STAP1: variants seen among roughly 807,000 people sequenced by gnomAD.
STAP1 encodes signal-transducing adaptor protein 1.
In STAP1, 30 loss-of-function variants were observed where a neutral mutation model predicts 37.8. The ratio of observed to expected loss-of-function variants is 0.79; its 90% CI spans 0.59 to 1.08. The LOEUF (loss-of-function observed/expected upper bound fraction) is 1.08. Among genes scored for constraint, STAP1 ranks in the 50% least tolerant of loss-of-function variants. The pLI, the probability that STAP1 is intolerant of heterozygous loss-of-function variation, is 0.00. For missense variants in STAP1, 357 were observed against 349.4 expected, an observed-to-expected ratio of 1.02 and a Z score of -0.17; for synonymous variants, 130 against 116.0, an observed-to-expected ratio of 1.12 and a Z score of -0.78.
intron 8 of STAP1, among the ~76,000 whole-genome samples, chr4:67,605,706 A>T (rs191014434): frequency 1.4e-4 from 21 of 152,366 alleles, no homozygotes; most frequent in African/African-American, 4.6e-4. Context: ...CAAAGATAAA[A>T]ACTTATCTTG....
At chr4:67,582,589 T>TA (rs1226843188) in intron 5 of STAP1, among the ~76,000 whole-genome samples, 1 of 152,026 alleles carries the variant, frequency 6.6e-6, no homozygotes, top group Non-Finnish European at 1.5e-5. Flanking sequence ...ATTACAGGTG[T>TA]GAGCCACCAT....
intron 8 of STAP1, among the ~76,000 whole-genome samples, chr4:67,594,763 CTT>C: frequency 6.6e-6 from 1 of 152,246 alleles, no homozygotes; most frequent in South Asian, 2.1e-4. Context: ...AATTTTTAAA[CTT>C]GTCACTTAAA....
At chr4:67,604,695 A>T (rs1175647563) in intron 8 of STAP1, among the ~76,000 whole-genome samples, 3 of 152,200 alleles carry the variant, frequency 2.0e-5, no homozygotes, top group African/African-American at 7.2e-5. Context: ...TTTTTCATAT[A>T]TCAAGTAATT....
At chr4:67,573,384 A>C (rs753992978) in intron 2 of STAP1, among the ~76,000 whole-genome samples, 3 of 152,194 alleles carry the variant, frequency 2.0e-5, no homozygotes, top group Non-Finnish European at 4.4e-5. Context: ...GATGACCTTT[A>C]AGCCTCTTCA....
At chr4:67,602,976 G>A (rs988432036) in intron 8 of STAP1, among the ~76,000 whole-genome samples, 2 of 152,104 alleles carry the variant, frequency 1.3e-5, no homozygotes, top group Admixed American at 1.3e-4. Flanking sequence ...AGATTGGTGA[G>A]CTCCTCCACA....
Position 67,606,608 on chromosome 4 carries a change from A to G in STAP1, c.*251A>G, listed in dbSNP as rs1205381712. Reference sequence around the variant, plus strand: ...GATATACACATTCCCATGCACTGACATAAGTTGAAAACACATAGTACTTTC... The same window carrying G: ...GATATACACATTCCCATGCACTGACGTAAGTTGAAAACACATAGTACTTTC... On this transcript the variant is annotated 3_prime_UTR_variant, in exon 9 of 9. Transcript: ENST00000265404. The G allele has an allele frequency of 3.3e-5, 11 of 331,836 alleles. No individual in the cohort carries two copies. Among genetic ancestry groups the G allele is most frequent in the Admixed American group, 2.4e-4 (5 of 20,560 alleles). The allele number at this position is 331,836 out of a possible 1,614,324, so 20.6% of individuals were successfully genotyped here. A position where few individuals can be genotyped will look rare whatever the true frequency, so the allele number is the denominator to read the frequency against.
chr4:67,587,373 T>C (rs1282242594), intron 6 of STAP1, among the ~76,000 whole-genome samples: 1 of 152,206 alleles, frequency 6.6e-6, no homozygotes, highest in African/African-American at 2.4e-5. Flanking sequence ...AGAGCAGCTG[T>C]GGGAGGGAAT....
At position 67,592,632 on chromosome 4, in the gene STAP1, A is replaced by G. The variant is rs540658572; in HGVS notation, c.730-628A>G. The stretch of plus-strand genomic sequence containing the variant: ...GGATCCTTCTTTGTTCTTCTACTCA[A>G]GTTCAAATTTCAGAAAGAAAGCATT... On this transcript the variant is annotated intron_variant, in intron 7 of 8. Coordinates refer to ENST00000265404, the MANE Select transcript of STAP1 (RefSeq NM_012108.4). 3.3e-5 allele frequency among the ~76,000 whole-genome samples: 5 copies of G among 152,240 alleles called. No homozygotes were observed. In the South Asian group the frequency reaches 8.3e-4, roughly 25 times the overall value.
At position 67,606,983 on chromosome 4, in the gene STAP1, C is replaced by T. The variant is rs1392430910; in HGVS notation, c.*626C>T. On this transcript the variant is annotated 3_prime_UTR_variant, in exon 9 of 9. Transcript: ENST00000265404. ...GTGAAAGGCTGTATCATCATCTTGT[C>T]GTAAGTACGATGAGCCTGATTATAA... The T allele has an allele frequency of 6.6e-6, 1 of 152,088 alleles. No individual in the cohort carries two copies. Among genetic ancestry groups the T allele is most frequent in the East Asian group, 1.9e-4 (1 of 5,198 alleles). 9.4% of individuals were successfully genotyped at this position (152,088 alleles called of 1,614,324 possible). A position where few individuals can be genotyped will look rare whatever the true frequency, so the allele number is the denominator to read the frequency against.
intron 5 of STAP1, among the ~76,000 whole-genome samples, chr4:67,582,301 G>GTTTTTTTTTTTT (rs368595773): frequency 2.0e-5 from 3 of 148,058 alleles, no homozygotes; most frequent in East Asian, 2.0e-4. Flanking sequence ...TAACATTTTA[G>GTTTTTTTTTTTT]TTTTTTTTTT....
At chr4:67,588,039 TAAAAA>T (rs3032636) in intron 6 of STAP1, among the ~76,000 whole-genome samples, 27 of 85,630 alleles carry the variant, frequency 3.2e-4, no homozygotes, top group South Asian at 1.9e-3. Flanking sequence ...CACATTTTCT[TAAAAA>T]AAAAAAAAAA....
At chr4:67,562,201 A>AGT (rs1491227891) in intron 1 of STAP1, among the ~76,000 whole-genome samples, 13 of 149,276 alleles carry the variant, frequency 8.7e-5, no homozygotes, top group Admixed American at 7.4e-4. Context: ...AAAAAAAAAC[A>AGT]GTGTGTGTGG....
At chr4:67,595,809 T>C (rs1213896483) in intron 8 of STAP1, among the ~76,000 whole-genome samples, 2 of 152,146 alleles carry the variant, frequency 1.3e-5, no homozygotes, top group African/African-American at 2.4e-5. Flanking sequence ...CAGAGAACAA[T>C]CCTCCTGAGA....
intron 1 of STAP1, among the ~76,000 whole-genome samples, chr4:67,566,631 T>G (rs187255339): frequency 3.3e-5 from 5 of 152,242 alleles, no homozygotes; most frequent in Admixed American, 6.5e-5. Flanking sequence ...TCAGTCCTAC[T>G]CTCTGCAAAG....
intron 3 of STAP1, among the ~76,000 whole-genome samples, chr4:67,575,777 T>C (rs1366664747): frequency 6.6e-6 from 1 of 152,146 alleles, no homozygotes; most frequent in African/African-American, 2.4e-5. Flanking sequence ...TGAATCAGCA[T>C]TCAAAATGAG....
At position 67,606,561 on chromosome 4, in the gene STAP1, A is replaced by G; in HGVS notation, c.*204A>G. On this transcript the variant is annotated 3_prime_UTR_variant, in exon 9 of 9. Coordinates refer to ENST00000265404, the MANE Select transcript of STAP1 (RefSeq NM_012108.4). ...CCAATTCACAGGGAAACTAGAGACT[A>G]CGGCTGTGGTGGTAACCTGCAGATA... 4.0e-6 allele frequency: 2 copies of G among 498,348 alleles called. No individual in the cohort carries two copies. Among genetic ancestry groups the G allele is most frequent in the Non-Finnish European group, 7.0e-6 (2 of 285,436 alleles). The allele number at this position is 498,348 out of a possible 1,614,324, so 30.9% of individuals were successfully genotyped here. A position where few individuals can be genotyped will look rare whatever the true frequency, so the allele number is the denominator to read the frequency against.
At chr4:67,572,118 T>A (rs578151746) in intron 2 of STAP1, among the ~76,000 whole-genome samples, 34 of 152,316 alleles carry the variant, frequency 2.2e-4, no homozygotes, top group African/African-American at 7.0e-4. Flanking sequence ...TGCCTGGGTG[T>A]TTGTCCTAGC....
At chr4:67,564,085 T>C (rs977458447) in intron 1 of STAP1, among the ~76,000 whole-genome samples, 1 of 152,218 alleles carries the variant, frequency 6.6e-6, no homozygotes, top group East Asian at 1.9e-4. Flanking sequence ...ACTCAGATTC[T>C]ATGTGTATTT....
At chr4:67,565,613 C>T (rs936449142) in intron 1 of STAP1, among the ~76,000 whole-genome samples, 1 of 152,062 alleles carries the variant, frequency 6.6e-6, no homozygotes, top group African/African-American at 2.4e-5. Flanking sequence ...TTATGAAATA[C>T]TTGCTATGTC....
Sources: gnomAD v4.1 joint callset for allele counts (sites outside exome capture counted in the v4.1 genomes callset) on GRCh38, gnomAD v4.1.1 for gene constraint, MANE v1.5 for transcripts, NCBI Gene and HGNC (gene_info 2026-07-23, HGNC 2026-07-21) for gene names.